Variants in DPF3 observed in about 807,000 individuals in gnomAD.
The protein encoded by DPF3 is double PHD fingers 3.
A neutral mutation model predicts 56.8 loss-of-function variants in DPF3; 18 were observed. That is an observed-to-expected ratio of 0.32 (90% confidence interval 0.22 to 0.47). The LOEUF (loss-of-function observed/expected upper bound fraction) is 0.47. DPF3 is among the 20% of genes least tolerant of loss of function. DPF3 has a pLI of 1.00. For synonymous variants in DPF3, 188 were observed against 180.2 expected (o/e 1.04, Z -0.35); for missense variants, 403 against 488.8 (o/e 0.82, Z 1.65).
chr14:72,800,415 TGGATGGAC>T (rs1211555230), intron 1 of DPF3, among the ~76,000 whole-genome samples: 2 of 151,626 alleles, frequency 1.3e-5, no homozygotes, highest in African/African-American at 4.8e-5. Flanking sequence ...GATGGATGGA[TGGATGGAC>T]GGACACATGG....
chr14:72,893,178 C>T (rs559273607), intron 1 of DPF3, among the ~76,000 whole-genome samples: 15 of 152,268 alleles, frequency 9.9e-5, no homozygotes, highest in African/African-American at 3.6e-4. Flanking sequence ...GCCCCTCGCC[C>T]GGCCGGGAGC....
chr14:72,633,792 G>A (rs1185700928), intron 8 of DPF3, among the ~76,000 whole-genome samples: 4 of 152,226 alleles, frequency 2.6e-5, no homozygotes, highest in African/African-American at 4.8e-5. Context: ...AGGAGGGGCC[G>A]GGGGTGGCGT....
intron 1 of DPF3, among the ~76,000 whole-genome samples, chr14:72,823,586 G>A (rs976624307): frequency 1.3e-5 from 2 of 152,116 alleles, no homozygotes; most frequent in East Asian, 1.9e-4. Context: ...GGAGTCAGGG[G>A]AATCTTCCAT....
In DPF3 at chr14:72,638,194, T is replaced by C. The variant is rs1173320290; in HGVS notation, c.872-8458A>G. Reference sequence around the variant, plus strand: ...AACTCTGGATGACTTTCCTTTTAAATGCTTCTCTGGATTTGTAGATTGCAG... The same window carrying C: ...AACTCTGGATGACTTTCCTTTTAAACGCTTCTCTGGATTTGTAGATTGCAG... On this transcript the variant is annotated intron_variant, in intron 8 of 10. Transcript: ENST00000556509. Among the ~76,000 whole-genome samples the C allele has an allele frequency of 2.0e-5, 3 of 152,232 alleles. No individual in the cohort carries two copies. In the South Asian group the frequency reaches 6.2e-4, roughly 32 times the overall value.
At chr14:72,729,275 A>G (rs1470431615) in intron 4 of DPF3, among the ~76,000 whole-genome samples, 1 of 152,192 alleles carries the variant, frequency 6.6e-6, no homozygotes, top group Non-Finnish European at 1.5e-5. Flanking sequence ...TAAATAATAA[A>G]AAATAAAAAT....
At chr14:72,798,205 G>A (rs1892714453) in intron 1 of DPF3, among the ~76,000 whole-genome samples, 1 of 131,928 alleles carries the variant, frequency 7.6e-6, no homozygotes, top group Non-Finnish European at 1.5e-5. Flanking sequence ...AGTGAGCCAG[G>A]ATCGCACCAC....
intron 5 of DPF3, among the ~76,000 whole-genome samples, chr14:72,715,580 C>A (rs1313431481): frequency 1.3e-5 from 2 of 151,916 alleles, no homozygotes; most frequent in Non-Finnish European, 2.9e-5. Context: ...GGAAAAGTGG[C>A]CATGGGGACT....
Position 72,609,838 on chromosome 14 carries a change from C to T in DPF3, c.*9459G>A, listed in dbSNP as rs1351163339. ...AGCTTCCCAAATCTGTAGCCCTTTT[C>T]TGTAACCTCATGAAAGCTGTGTCAG... On this transcript the variant is annotated 3_prime_UTR_variant, in exon 11 of 11. Transcript: ENST00000556509. Among the ~76,000 whole-genome samples the T allele has an allele frequency of 6.6e-6, 1 of 152,176 alleles. No homozygotes were observed. The highest frequency in any genetic ancestry group is 1.5e-5 in the Non-Finnish European group (1 of 68,040).
At chr14:72,759,153 G>A (rs1270300526) in intron 2 of DPF3, among the ~76,000 whole-genome samples, 3 of 152,136 alleles carry the variant, frequency 2.0e-5, no homozygotes, top group Non-Finnish European at 4.4e-5. Context: ...ACTATAATGT[G>A]CAAGATGAAA....
intron 8 of DPF3, among the ~76,000 whole-genome samples, chr14:72,638,154 G>A (rs1049760330): frequency 2.0e-5 from 3 of 152,186 alleles, no homozygotes; most frequent in Non-Finnish European, 4.4e-5. Flanking sequence ...AGAGAAGAGG[G>A]TCATCGGTAT....
intron 1 of DPF3, among the ~76,000 whole-genome samples, chr14:72,783,125 GTA>G (rs1892054749): frequency 6.6e-6 from 1 of 152,088 alleles, no homozygotes; most frequent in African/African-American, 2.4e-5. Flanking sequence ...AGATCTTCTT[GTA>G]GCTGACTGCT....
At chr14:72,661,788 C>T (rs1886222686) in intron 8 of DPF3, 4 of 985,090 alleles carry the variant, frequency 4.1e-6, no homozygotes, top group African/African-American at 1.7e-5. Flanking sequence ...GTTCCCTTTC[C>T]TCATCTCTTC....
intron 1 of DPF3, among the ~76,000 whole-genome samples, chr14:72,891,145 T>C (rs1886735213): frequency 6.6e-6 from 1 of 152,148 alleles, no homozygotes; most frequent in African/African-American, 2.4e-5. Context: ...TGGAAAAAGC[T>C]AGTACAGTGA....
rs553038872 is a variant in DPF3 at position 72,715,685 on chromosome 14, G to A, written c.526-1184C>T. 5.9e-5 allele frequency among the ~76,000 whole-genome samples: 9 copies of A among 151,948 alleles called. No individual in the cohort carries two copies. In the East Asian group the frequency reaches 9.8e-4, roughly 17 times the overall value. On this transcript the variant is annotated intron_variant, in intron 5 of 10. Coordinates refer to ENST00000556509, the MANE Select transcript of DPF3 (RefSeq NM_001280542.3). ...CACACTCACCGGGGACTTCACAGTGGAAAGGCCTGTACCCTAGGCCTGCAA... is the reference window on the plus strand; with the variant it reads ...CACACTCACCGGGGACTTCACAGTGAAAAGGCCTGTACCCTAGGCCTGCAA...
At chr14:72,842,055 C>T (rs1884563310) in intron 1 of DPF3, among the ~76,000 whole-genome samples, 1 of 151,152 alleles carries the variant, frequency 6.6e-6, no homozygotes, top group Admixed American at 6.6e-5. Flanking sequence ...CCACTGCACT[C>T]CAGCCTGGAT....
chr14:72,684,413 G>A (rs563293819), intron 7 of DPF3, among the ~76,000 whole-genome samples: 4 of 152,200 alleles, frequency 2.6e-5, no homozygotes, highest in Admixed American at 2.6e-4. Flanking sequence ...CCAGAAGATA[G>A]AGAGAGGGAG....
At chr14:72,724,330 C>T (rs76369915) in intron 4 of DPF3, among the ~76,000 whole-genome samples, 5,955 of 151,844 alleles carry the variant, frequency 0.039, 388 homozygotes, top group African/African-American at 0.14. Context: ...TCCAGCAGCC[C>T]GCCAGTCACA....
chr14:72,825,701 GCCCAGCCCA>G (rs771215040), intron 1 of DPF3, among the ~76,000 whole-genome samples: 525 of 4,678 alleles, frequency 0.11, 6 homozygotes, highest in African/African-American at 0.28. Flanking sequence ...GCCCAGCCCA[GCCCAGCCCA>G]GCCCAGCCCA....
intron 4 of DPF3, among the ~76,000 whole-genome samples, chr14:72,726,262 G>A (rs910217094): frequency 6.6e-6 from 1 of 152,154 alleles, no homozygotes; most frequent in African/African-American, 2.4e-5. Context: ...CAAGTGCCTC[G>A]AATTTAAAGG....
Sources: allele counts gnomAD v4.1 joint callset (sites outside exome capture counted in the v4.1 genomes callset), GRCh38; gene constraint gnomAD v4.1.1; transcripts MANE v1.5; gene names NCBI Gene and HGNC (gene_info 2026-07-23, HGNC 2026-07-21).